ASB2: variants seen among roughly 807,000 people sequenced by gnomAD.
ASB2 encodes the protein ankyrin repeat and SOCS box protein 2.
A neutral mutation model predicts 62.4 loss-of-function variants in ASB2; 58 were observed. The observed-to-expected ratio is 0.93, with a 90% CI of 0.75 to 1.16. The LOEUF (loss-of-function observed/expected upper bound fraction) is 1.16. Among genes scored for constraint, ASB2 ranks in the 50% most tolerant of loss-of-function variants. ASB2 has a pLI of 0.00. For missense variants in ASB2, 928 were observed against 887.9 expected (o/e 1.05, Z -0.57); for synonymous variants, 386 against 385.3 (o/e 1.00, Z -0.02).
At chr14:93,975,062 T>A (rs1172950305) in intron 1 of ASB2, among the ~76,000 whole-genome samples, 1 of 152,274 alleles carries the variant, frequency 6.6e-6, no homozygotes, top group Admixed American at 6.5e-5. Context: ...CCCGTCCAAC[T>A]GTTTTGGAAG....
intron 2 of ASB2, among the ~76,000 whole-genome samples, chr14:93,958,748 T>C (rs891841817): frequency 4.3e-4 from 66 of 152,190 alleles, no homozygotes; most frequent in Non-Finnish European, 8.1e-4. Context: ...CAGGCTCACC[T>C]CAGCTGTCTC....
At position 93,956,799 on chromosome 14, in the gene ASB2, T is replaced by C; in HGVS notation, c.278A>G (p.Tyr93Cys). 6.2e-7 allele frequency: 1 copy of C among 1,614,170 alleles called. No homozygotes were observed. ...MGLFQGVMQK[Y>C]SSSLFKTSQL... ...GGAGGTCTTGAACAAGCTGCTGCTG[T>C]ATTTCTGCATGACCCCTTGGAACAA... is the stretch of plus-strand genomic sequence containing the variant. The change falls in exon 3 of 10, where the codon TAC (tyrosine) becomes TGC (cysteine). Residue 93 changes from tyrosine to cysteine, a missense_variant. Tyr to Cys is a radical substitution (Grantham distance 194). Transcript: ENST00000555019.
At chr14:93,957,795 T>C (rs1312033350) in intron 2 of ASB2, among the ~76,000 whole-genome samples, 1 of 152,114 alleles carries the variant, frequency 6.6e-6, no homozygotes, top group African/African-American at 2.4e-5. Context: ...CAAATCTGAG[T>C]TGGCCTGGGG....
At chr14:93,942,840 G>A (rs947440645) in intron 7 of ASB2, among the ~76,000 whole-genome samples, 1 of 143,368 alleles carries the variant, frequency 7.0e-6, no homozygotes, top group African/African-American at 2.7e-5. Context: ...GTAATTAATT[G>A]TAATAATAGT....
chr14:93,939,337 T>C lies in ASB2; in HGVS notation c.1388A>G (p.His463Arg). 1.2e-6 allele frequency: 2 copies of C among 1,611,096 alleles called. No individual in the cohort carries two copies. Among genetic ancestry groups the C allele is most frequent in the Non-Finnish European group, 1.7e-6 (2 of 1,178,370 alleles). Reference sequence around the variant, plus strand: ...GATATAGGCGTCGATGTTCGCGCCGTGGTCCAGCAGCAGCTGCATTGTGCG... The same window carrying C: ...GATATAGGCGTCGATGTTCGCGCCGCGGTCCAGCAGCAGCTGCATTGTGCG... ...CLRTMQLLLD[H>R]GANIDAYIAT... Residue 463 changes from histidine (H) to arginine (R), a missense_variant, in exon 8 of 10, where the codon CAC (histidine) becomes CGC (arginine). Physicochemically the swap from His to Arg is conservative, Grantham distance 29 (BLOSUM62 0). Coordinates refer to ENST00000555019, the MANE Select transcript of ASB2 (RefSeq NM_001202429.2).
intron 5 of ASB2, 53 bp from the exon 6 acceptor site, chr14:93,951,297 A>G (rs1888962032): frequency 6.5e-7 from 1 of 1,541,012 alleles, no homozygotes; most frequent in Non-Finnish European, 8.7e-7. Flanking sequence ...GGAACTGGCC[A>G]GCAGAGACTG....
intron 7 of ASB2, 136 bp downstream of exon 7, chr14:93,947,213 G>A (rs372064134): frequency 1.1e-6 from 1 of 870,640 alleles, no homozygotes; most frequent in South Asian, 1.7e-5. Context: ...TGGGAAAGGT[G>A]ATGTCCATTC....
chr14:93,943,517 A>G (rs1888610298), intron 7 of ASB2, among the ~76,000 whole-genome samples: 1 of 152,166 alleles, frequency 6.6e-6, no homozygotes, highest in South Asian at 2.1e-4. Context: ...AGTGGTGGAC[A>G]CCTGTAATCC....
At chr14:93,957,083 T>C in intron 2 of ASB2, 2 of 1,441,532 alleles carry the variant, frequency 1.4e-6, no homozygotes, top group Non-Finnish European at 1.8e-6. Context: ...GAGGAAGCCC[T>C]GGGAGATTTA....
chr14:93,935,203 C>T (rs1888227899), intron 9 of ASB2, among the ~76,000 whole-genome samples: 1 of 152,126 alleles, frequency 6.6e-6, no homozygotes, highest in South Asian at 2.1e-4. Context: ...ACTTAAGTGC[C>T]CCTACATGTG....
At chr14:93,943,027 T>C (rs1888586948) in intron 7 of ASB2, among the ~76,000 whole-genome samples, 1 of 152,202 alleles carries the variant, frequency 6.6e-6, no homozygotes, top group African/African-American at 2.4e-5. Context: ...GTTTACTTCA[T>C]TTAATCCTAG....
chr14:93,944,049 G>C (rs1017420878), intron 7 of ASB2: 1 of 455,802 alleles, frequency 2.2e-6, no homozygotes, highest in Non-Finnish European at 4.4e-6. Context: ...CTAAGATCCT[G>C]ATTCTCTACC....
chr14:93,944,344 G>A (rs561206663), intron 7 of ASB2, among the ~76,000 whole-genome samples: 2 of 152,392 alleles, frequency 1.3e-5, no homozygotes, highest in South Asian at 4.1e-4. Flanking sequence ...TCTTGGAGGT[G>A]ACTGCGACAT....
intron 6 of ASB2, 136 bp from the exon 7 acceptor site, chr14:93,947,656 G>A (rs1205650658): frequency 1.2e-6 from 1 of 836,952 alleles, no homozygotes; most frequent in Non-Finnish European, 1.9e-6. Flanking sequence ...CCTTAGGAAG[G>A]AGGAGTCTAC....
In ASB2 at chr14:93,939,605, G is replaced by T. The variant is rs1888435414; in HGVS notation, c.1120C>A (p.His374Asn). The stretch of plus-strand genomic sequence containing the variant: ...TCGTGGTTGCGCTCGGCCGCCAGGT[G>T]CAGCGGACTGACGCCGCTACGGCGT... ...RIRRSGVSPLHLAAERNHDEV... is the reference protein window; with the variant it reads ...RIRRSGVSPLNLAAERNHDEV... The change falls in exon 8 of 10, where the codon CAC (histidine) becomes AAC (asparagine). Residue 374 changes from histidine to asparagine, a missense_variant. Coordinates refer to ENST00000555019, the MANE Select transcript of ASB2 (RefSeq NM_001202429.2). 2 of 1,561,964 alleles carry T rather than the reference G, an allele frequency of 1.3e-6. No individual in the cohort carries two copies. The highest frequency in any genetic ancestry group is 2.4e-5 in the East Asian group (1 of 42,376).
rs1196462888 is a variant in ASB2 at position 93,964,396 on chromosome 14, A to T, written c.144T>A (p.Thr48=). 6.5e-7 allele frequency: 1 copy of T among 1,536,116 alleles called. No homozygotes were observed. The highest frequency in any genetic ancestry group is 1.2e-5 in the South Asian group (1 of 84,060). The change falls in exon 2 of 10, where the codon ACT becomes ACA. Residue 48 remains threonine (T), a synonymous_variant. Coordinates refer to ENST00000555019, the MANE Select transcript of ASB2 (RefSeq NM_001202429.2). ...TACATGCAGACGCGGTGGCCTCAGC[A>T]GTGGTTGGGCCCCTTGTCTTGTCCG... ...SLADKTRGPT[T]AEATASACTN...
At chr14:93,949,562 G>A (rs1034478612) in intron 6 of ASB2, among the ~76,000 whole-genome samples, 2 of 152,180 alleles carry the variant, frequency 1.3e-5, no homozygotes, top group African/African-American at 4.8e-5. Context: ...TCCTGCCTCC[G>A]GCCTGAGGGA....
intron 7 of ASB2, 186 bp from the exon 8 acceptor site, chr14:93,939,858 G>A (rs1888451793): frequency 2.1e-6 from 1 of 473,422 alleles, no homozygotes; most frequent in South Asian, 4.2e-5. Context: ...GGCAGGGTGG[G>A]TCGGCTGCCG....
intron 2 of ASB2, among the ~76,000 whole-genome samples, chr14:93,960,454 T>C (rs1285002375): frequency 6.6e-6 from 1 of 152,240 alleles, no homozygotes; most frequent in East Asian, 1.9e-4. Context: ...CCTCAGCCAG[T>C]TCCTGCTTCA....
Sources: gnomAD v4.1 joint callset for allele counts (sites outside exome capture counted in the v4.1 genomes callset) on GRCh38, gnomAD v4.1.1 for gene constraint, MANE v1.5 for transcripts, NCBI Gene and HGNC (gene_info 2026-07-23, HGNC 2026-07-21) for gene names.